RANBP17: variants seen among roughly 807,000 people sequenced by gnomAD.
The protein encoded by RANBP17 is RAN binding protein 17.
RANBP17 carries 158 observed loss-of-function variants against 141.2 expected under a neutral mutation model. That is an observed-to-expected ratio of 1.12 (90% confidence interval 0.98 to 1.28). The LOEUF is 1.28. Among genes scored for constraint, RANBP17 ranks in the 50% most tolerant of loss-of-function variants. RANBP17 has a pLI of 0.00. For missense variants in RANBP17, 1,438 were observed against 1,290.7 expected, an observed-to-expected ratio of 1.11 and a Z score of -1.75; for synonymous variants, 430 against 450.0, an observed-to-expected ratio of 0.96 and a Z score of 0.56.
chr5:171,231,654 A>G (rs1214784509), intron 22 of RANBP17, among the ~76,000 whole-genome samples: 1 of 152,244 alleles, frequency 6.6e-6, no homozygotes, highest in African/African-American at 2.4e-5. Flanking sequence ...AACAAATAAG[A>G]AAAAATACAT....
At chr5:171,261,230 ACTTAAT>A (rs750028195) in intron 24 of RANBP17, among the ~76,000 whole-genome samples, 3 of 152,110 alleles carry the variant, frequency 2.0e-5, no homozygotes, top group African/African-American at 4.8e-5. Flanking sequence ...GTTTTTGCCC[ACTTAAT>A]CTTAATGCCA....
At chr5:171,245,354 G>T (rs965475054) in intron 24 of RANBP17, among the ~76,000 whole-genome samples, 1 of 152,082 alleles carries the variant, frequency 6.6e-6, no homozygotes, top group African/African-American at 2.4e-5. Context: ...CGCTCTTGTT[G>T]CCCAGGCTGG....
chr5:170,960,484 A>G (rs1256502526), intron 13 of RANBP17, among the ~76,000 whole-genome samples: 1 of 152,152 alleles, frequency 6.6e-6, no homozygotes, highest in East Asian at 1.9e-4. Flanking sequence ...TCAGTTTCCC[A>G]AGCCTGAATC....
chr5:170,922,592 G>C (rs2127442719), intron 11 of RANBP17, among the ~76,000 whole-genome samples: 1 of 152,324 alleles, frequency 6.6e-6, no homozygotes, highest in East Asian at 1.9e-4. Flanking sequence ...CTAGCAGTGA[G>C]TTACGGCTCC....
intron 14 of RANBP17, among the ~76,000 whole-genome samples, chr5:171,045,860 A>G (rs894973698): frequency 6.6e-6 from 1 of 152,170 alleles, no homozygotes; most frequent in Non-Finnish European, 1.5e-5. Context: ...AGCCTCCCTC[A>G]TGGTGTCACA....
chr5:171,219,856 G>A (rs1237181305), intron 21 of RANBP17, among the ~76,000 whole-genome samples: 1 of 151,812 alleles, frequency 6.6e-6, no homozygotes, highest in East Asian at 2.0e-4. Context: ...TAGCTTGGAG[G>A]AGTTTGTTAT....
chr5:171,118,710 T>C (rs1037333822), intron 14 of RANBP17, among the ~76,000 whole-genome samples: 3 of 152,228 alleles, frequency 2.0e-5, no homozygotes, highest in Admixed American at 2.0e-4. Context: ...GATTGCCTTC[T>C]TGATTTCTTT....
In RANBP17 at chr5:170,914,098, A is replaced by G. The variant is rs575845847; in HGVS notation, c.761-69A>G. 2.8e-5 allele frequency: 29 copies of G among 1,030,426 alleles called. No homozygotes were observed. The South Asian group carries it at 3.1e-4, about 11-fold the overall frequency. The allele number at this position is 1,030,426 out of a possible 1,614,324, so 63.8% of individuals were successfully genotyped here. On this transcript the variant is annotated intron_variant, in intron 7 of 27. Coordinates refer to ENST00000523189, the MANE Select transcript of RANBP17 (RefSeq NM_022897.5). ...GGCCTTGGATTTCTCAGTTTGTGTG[A>G]TATTGTCTTACTTTGTTAAGATCAC...
intron 13 of RANBP17, among the ~76,000 whole-genome samples, chr5:170,963,313 A>G (rs934305285): frequency 2.0e-5 from 3 of 152,218 alleles, no homozygotes; most frequent in Non-Finnish European, 2.9e-5. Context: ...CTCACACTGT[A>G]TAATCAAGAT....
intron 12 of RANBP17, among the ~76,000 whole-genome samples, chr5:170,931,038 G>A (rs189438135): frequency 0.036 from 5,405 of 152,252 alleles, 139 homozygotes; most frequent in East Asian, 0.12. Flanking sequence ...CAGTGTAAAA[G>A]CGTTCCTATT....
chr5:171,168,179 G>A (rs1008379385), intron 14 of RANBP17, among the ~76,000 whole-genome samples: 2 of 152,136 alleles, frequency 1.3e-5, no homozygotes, highest in Non-Finnish European at 1.5e-5. Flanking sequence ...TGTGAAAAGC[G>A]CCATGACAGA....
At chr5:170,896,703 G>A (rs2339172) in intron 5 of RANBP17, among the ~76,000 whole-genome samples, 91,050 of 151,648 alleles carry the variant, frequency 0.6, 29,008 homozygotes, top group South Asian at 0.88. Flanking sequence ...GGTGATGGGC[G>A]CCTGTAATCC....
At chr5:171,274,263 A>C (rs1581165697) in intron 25 of RANBP17, among the ~76,000 whole-genome samples, 1 of 152,170 alleles carries the variant, frequency 6.6e-6, no homozygotes, top group African/African-American at 2.4e-5. Context: ...TCCAAAAGAG[A>C]GTAAACCTCT....
chr5:170,862,235 C>A (rs969598414), intron 1 of RANBP17, among the ~76,000 whole-genome samples, 184 bp downstream of exon 1: 1 of 152,190 alleles, frequency 6.6e-6, no homozygotes, highest in Non-Finnish European at 1.5e-5. Flanking sequence ...GCTGCACACC[C>A]CAGGCCCGGG....
chr5:170,995,063 G>A (rs1236770605), intron 14 of RANBP17, among the ~76,000 whole-genome samples: 1 of 152,052 alleles, frequency 6.6e-6, no homozygotes, highest in Non-Finnish European at 1.5e-5. Context: ...ATATTCAGAT[G>A]TCTGCTTTCA....
chr5:171,063,959 T>TCC (rs1784112732), intron 14 of RANBP17, among the ~76,000 whole-genome samples: 1 of 152,212 alleles, frequency 6.6e-6, no homozygotes, highest in African/African-American at 2.4e-5. Flanking sequence ...CGTAGGACCC[T>TCC]CCAAGCCAGG....
intron 5 of RANBP17, chr5:170,896,834 A>G: frequency 2.2e-6 from 1 of 460,868 alleles, no homozygotes; most frequent in South Asian, 2.0e-5. Context: ...TGTCTCAAAC[A>G]ACAATAACAA....
At chr5:170,921,065 C>T (rs1220896363) in intron 11 of RANBP17, among the ~76,000 whole-genome samples, 1 of 152,070 alleles carries the variant, frequency 6.6e-6, no homozygotes, top group East Asian at 1.9e-4. Flanking sequence ...ATGATGGTTT[C>T]TTTTGCTGTG....
chr5:171,134,652 T>G (rs1757149465), intron 14 of RANBP17, among the ~76,000 whole-genome samples: 1 of 152,234 alleles, frequency 6.6e-6, no homozygotes, highest in South Asian at 2.1e-4. Flanking sequence ...TGTAATACTC[T>G]TTTGAATATT....
Sources: allele counts gnomAD v4.1 joint callset (sites outside exome capture counted in the v4.1 genomes callset), GRCh38; gene constraint gnomAD v4.1.1; transcripts MANE v1.5; gene names NCBI Gene and HGNC (gene_info 2026-07-23, HGNC 2026-07-21).